TMPRSS11B: variants seen among roughly 807,000 people sequenced by gnomAD.
The protein encoded by TMPRSS11B is transmembrane serine protease 11B, also known as transmembrane protease serine 11B.
Under a neutral mutation model 44.7 loss-of-function variants are expected in TMPRSS11B, and 53 were observed. The ratio of observed to expected loss-of-function variants is 1.19; its 90% confidence interval spans 0.95 to 1.49. The LOEUF is 1.49. Ranked by LOEUF, TMPRSS11B falls within the 40% of genes most tolerant of loss-of-function variation. TMPRSS11B has a pLI of 0.00. For synonymous variants in TMPRSS11B, 140 were observed against 159.2 expected, an observed-to-expected ratio of 0.88 and a Z score of 0.91; for missense variants, 526 against 494.8, an observed-to-expected ratio of 1.06 and a Z score of -0.60.
Position 68,226,886 on chromosome 4 carries a change from G to A in TMPRSS11B, c.*1025C>T, listed in dbSNP as rs1719366017. 2.0e-5 allele frequency: 3 copies of A among 152,128 alleles called. No homozygotes were observed. Among genetic ancestry groups the A allele is most frequent in the Admixed American group, 2.0e-4 (3 of 15,268 alleles). 9.4% of individuals were successfully genotyped at this position (152,128 alleles called of 1,614,324 possible). A position where few individuals can be genotyped will look rare whatever the true frequency, so the allele number is the denominator to read the frequency against. On this transcript the variant is annotated 3_prime_UTR_variant, in exon 10 of 10. Coordinates refer to ENST00000332644, the MANE Select transcript of TMPRSS11B (RefSeq NM_182502.3). ...GACAAAAGGTGAATATGAAGACAAT[G>A]GAAAATGTTATATAAATAATTGCCA...
chr4:68,230,882 C>T (rs1166760897), intron 7 of TMPRSS11B, among the ~76,000 whole-genome samples: 1 of 151,546 alleles, frequency 6.6e-6, no homozygotes, highest in Admixed American at 6.6e-5. Flanking sequence ...TCCTCATCTT[C>T]AAATGGTTTT....
rs141993915 is a variant in TMPRSS11B, at chr4:68,234,478, A to G, written c.454T>C (p.Ser152Pro). ...NMASWNAVPA[S>P]IKLMEISKAA... is the part of the protein sequence containing the mutation. ...AGTCAAATACCCATGAGTTTAATGG[A>G]AGCAGGAACTGCATTCCAGGATGCC... The change falls in exon 5 of 10, where the codon TCC (serine) becomes CCC (proline). Residue 152 changes from serine to proline, a missense_variant. By Grantham distance (74) the Ser-to-Pro change is moderately conservative. Transcript: ENST00000332644. 6.3e-4 allele frequency: 1,016 copies of G among 1,613,718 alleles called. 4 individuals are homozygous for G. The highest frequency in any genetic ancestry group is 3.4e-4 in the Non-Finnish European group (401 of 1,179,916).
At chr4:68,233,556 T>C (rs566871302) in intron 5 of TMPRSS11B, among the ~76,000 whole-genome samples, 15 of 152,142 alleles carry the variant, frequency 9.9e-5, no homozygotes, top group Non-Finnish European at 1.9e-4. Context: ...TTACTCTCTT[T>C]CTGTGTCCCA....
chr4:68,241,234 G>A (rs910715603), intron 2 of TMPRSS11B, among the ~76,000 whole-genome samples: 5 of 152,104 alleles, frequency 3.3e-5, no homozygotes, highest in Non-Finnish European at 5.9e-5. Context: ...CCATGTTTGT[G>A]CAAACATTTA....
chr4:68,241,965 T>C (rs1367260523), intron 1 of TMPRSS11B, among the ~76,000 whole-genome samples, 161 bp from the exon 2 acceptor site: 2 of 151,384 alleles, frequency 1.3e-5, no homozygotes, highest in Admixed American at 1.3e-4. Context: ...TAGACCCTAA[T>C]GCTCATTCAC....
chr4:68,242,220 T>TAATATTATA (rs1241544951), intron 1 of TMPRSS11B, among the ~76,000 whole-genome samples: 98 of 6,064 alleles, frequency 0.016, 1 homozygote, highest in African/African-American at 0.031. Flanking sequence ...ATATATAATA[T>TAATATTATA]TATATTATAT....
intron 2 of TMPRSS11B, among the ~76,000 whole-genome samples, chr4:68,236,909 T>C (rs1358585140): frequency 1.5e-5 from 2 of 136,712 alleles, no homozygotes; most frequent in Admixed American, 7.6e-5. Context: ...GAGGACACCA[T>C]GGTGCCATTA....
intron 2 of TMPRSS11B, among the ~76,000 whole-genome samples, chr4:68,238,626 C>G (rs183068705): frequency 1.3e-5 from 2 of 151,700 alleles, no homozygotes; most frequent in Admixed American, 1.3e-4. Context: ...ACTTGAGAGG[C>G]TGAGGCGGGA....
At chr4:68,243,328 G>A (rs1277409776) in intron 1 of TMPRSS11B, among the ~76,000 whole-genome samples, 1 of 152,008 alleles carries the variant, frequency 6.6e-6, no homozygotes, top group Non-Finnish European at 1.5e-5. Context: ...TGACTTTTAG[G>A]TAGATACATT....
At position 68,241,740 on chromosome 4, in the gene TMPRSS11B, C is replaced by G; in HGVS notation, c.73G>C (p.Ala25Pro). 1 of 1,613,008 alleles carries G rather than the reference C, an allele frequency of 6.2e-7. No homozygotes were observed. The highest frequency in any genetic ancestry group is 8.5e-7 in the Non-Finnish European group (1 of 1,179,432). ...WTTIFIFLGV[A>P]AILGVTIGLL... ...CCAATGGTTACTCCCAAGATTGCCG[C>G]CACTCCAAGAAAAATAAAGATCGTA... is the stretch of plus-strand genomic sequence containing the variant. Residue 25 changes from alanine to proline, a missense_variant, in exon 2 of 10, where the codon GCG becomes CCG. By Grantham distance (27) the Ala-to-Pro change is conservative (BLOSUM62 -1). Coordinates refer to ENST00000332644, the MANE Select transcript of TMPRSS11B (RefSeq NM_182502.3).
At chr4:68,235,358 A>AT (rs1719630150) in intron 4 of TMPRSS11B, among the ~76,000 whole-genome samples, 2 of 152,038 alleles carry the variant, frequency 1.3e-5, no homozygotes, top group South Asian at 4.1e-4. Flanking sequence ...GGTCAGCTGG[A>AT]TTTTTTGTTT....
chr4:68,242,264 A>AT (rs1719859359), intron 1 of TMPRSS11B, among the ~76,000 whole-genome samples: 1 of 39,562 alleles, frequency 2.5e-5, no homozygotes, highest in African/African-American at 1.3e-4. Context: ...TATAATATAT[A>AT]TAATATAATA....
intron 7 of TMPRSS11B, 194 bp from the exon 8 acceptor site, chr4:68,229,710 TC>T: frequency 2.2e-6 from 1 of 462,110 alleles, no homozygotes. Context: ...TGCTAAGGAC[TC>T]AGATTTGTCA....
At chr4:68,234,748 A>G in intron 4 of TMPRSS11B, 125 bp from the exon 5 acceptor site, 1 of 947,200 alleles carries the variant, frequency 1.1e-6, no homozygotes, top group East Asian at 2.7e-5. Context: ...AAATATACAT[A>G]TACTATCTAA....
chr4:68,242,329 T>TTATAATA (rs1560445631), intron 1 of TMPRSS11B, among the ~76,000 whole-genome samples: 589 of 9,024 alleles, frequency 0.065, 30 homozygotes, highest in African/African-American at 0.14. Flanking sequence ...ATATATAATA[T>TTATAATA]TATATTATAT....
intron 5 of TMPRSS11B, among the ~76,000 whole-genome samples, chr4:68,233,303 C>G (rs1338403894): frequency 6.6e-6 from 1 of 152,130 alleles, no homozygotes; most frequent in Non-Finnish European, 1.5e-5. Context: ...AGAGCGGTAA[C>G]TGGCAGATGT....
intron 1 of TMPRSS11B, among the ~76,000 whole-genome samples, chr4:68,243,878 C>A (rs903980435): frequency 1.3e-5 from 2 of 152,054 alleles, no homozygotes; most frequent in Admixed American, 1.3e-4. Flanking sequence ...CTCTAAAAAC[C>A]CATTTTGGAT....
Position 68,231,210 on chromosome 4 carries a change from A to C in TMPRSS11B, c.679T>G (p.Phe227Val), listed in dbSNP as rs1719503451. Residue 227 changes from phenylalanine to valine, a missense_variant, in exon 7 of 10, where the codon TTT (phenylalanine) becomes GTT (valine). Coordinates refer to ENST00000332644, the MANE Select transcript of TMPRSS11B (RefSeq NM_182502.3). ...TCAAATTTTCAAACTTACTTAGCAAAGCAGTGAGCTGCAGATAATAGCCAC... is the reference window on the plus strand; with the variant it reads ...TCAAATTTTCAAACTTACTTAGCAACGCAGTGAGCTGCAGATAATAGCCAC... ...SRWLLSAAHCFAKKNNSKDWT... is the reference protein window; with the variant it reads ...SRWLLSAAHCVAKKNNSKDWT... 1 of 1,603,830 alleles carries C rather than the reference A, an allele frequency of 6.2e-7. No individual in the cohort carries two copies. Among genetic ancestry groups the C allele is most frequent in the Non-Finnish European group, 8.5e-7 (1 of 1,176,840 alleles).
Position 68,234,483 on chromosome 4 carries a change from G to A in TMPRSS11B, c.449C>T (p.Pro150Leu). ...KNNMASWNAV[P>L]ASIKLMEISK... ...AATACCCATGAGTTTAATGGAAGCA[G>A]GAACTGCATTCCAGGATGCCATGTT... The change falls in exon 5 of 10, where the codon CCT (proline) becomes CTT (leucine). Residue 150 changes from proline (P) to leucine (L), a missense_variant. By Grantham distance (98) the Pro-to-Leu change is moderately conservative. Coordinates refer to ENST00000332644, the MANE Select transcript of TMPRSS11B (RefSeq NM_182502.3). 1.9e-6 allele frequency: 3 copies of A among 1,613,832 alleles called. No homozygotes were observed. Among genetic ancestry groups the A allele is most frequent in the Non-Finnish European group, 2.5e-6 (3 of 1,179,900 alleles).
Sources: gnomAD v4.1 joint callset for allele counts (sites outside exome capture counted in the v4.1 genomes callset) on GRCh38, gnomAD v4.1.1 for gene constraint, MANE v1.5 for transcripts, NCBI Gene and HGNC (gene_info 2026-07-23, HGNC 2026-07-21) for gene names.